The following LEF1 variants were observed in gnomAD, a reference collection of about 807,000 sequenced individuals.
LEF1 encodes lymphoid enhancer-binding factor 1.
In LEF1, 14 loss-of-function variants were observed where a neutral mutation model predicts 51.2. The ratio of observed to expected loss-of-function variants is 0.27; its 90% CI spans 0.18 to 0.43. LEF1 has a LOEUF of 0.43. Among genes scored for constraint, LEF1 ranks in the 20% least tolerant of loss-of-function variants. LEF1 has a pLI of 1.00. For missense variants in LEF1, 386 were observed against 512.0 expected (o/e 0.75, Z 2.37); for synonymous variants, 185 against 183.2 (o/e 1.01, Z -0.08).
At chr4:108,060,527 C>A (rs1737609806) in intron 11 of LEF1, among the ~76,000 whole-genome samples, 1 of 152,078 alleles carries the variant, frequency 6.6e-6, no homozygotes, top group African/African-American at 2.4e-5. Context: ...CATTCCTGGG[C>A]TCTGCTCTTT....
chr4:108,164,536 T>A (rs1745264007), intron 2 of LEF1, among the ~76,000 whole-genome samples: 1 of 152,204 alleles, frequency 6.6e-6, no homozygotes, highest in Non-Finnish European at 1.5e-5. Flanking sequence ...ATGTATGTAA[T>A]TTTAAAGTTT....
intron 3 of LEF1, among the ~76,000 whole-genome samples, chr4:108,161,974 A>G (rs1745085979): frequency 6.6e-6 from 1 of 152,196 alleles, no homozygotes; most frequent in South Asian, 2.1e-4. Context: ...AAACCTGCCC[A>G]AATATTAAAG....
chr4:108,103,569 A>G (rs180675140), intron 3 of LEF1, among the ~76,000 whole-genome samples: 70 of 152,328 alleles, frequency 4.6e-4, no homozygotes, highest in Non-Finnish European at 7.8e-4. Context: ...CTTGACCATA[A>G]TTACAACTGA....
At chr4:108,113,892 T>C (rs1051937120) in intron 3 of LEF1, among the ~76,000 whole-genome samples, 2 of 152,206 alleles carry the variant, frequency 1.3e-5, no homozygotes, top group Admixed American at 1.3e-4. Context: ...TTTGTTCTGC[T>C]TTCAGCTGTA....
chr4:108,157,985 TGTCCA>T (rs1361588966), intron 3 of LEF1, among the ~76,000 whole-genome samples: 1 of 152,208 alleles, frequency 6.6e-6, no homozygotes, highest in Non-Finnish European at 1.5e-5. Flanking sequence ...TCCTGCTCCC[TGTCCA>T]GTCCTCTGCT....
intron 3 of LEF1, among the ~76,000 whole-genome samples, chr4:108,144,865 CAAAAAA>C (rs11394687): frequency 1.9e-4 from 8 of 41,914 alleles, no homozygotes; most frequent in Non-Finnish European, 2.4e-4. Context: ...CCCAACCAGC[CAAAAAA>C]AAAAAAAAAA....
intron 3 of LEF1, among the ~76,000 whole-genome samples, chr4:108,121,526 C>T (rs912001004): frequency 1.3e-5 from 2 of 152,206 alleles, no homozygotes; most frequent in Admixed American, 6.5e-5. Flanking sequence ...GCCAATTACA[C>T]CTCAGTATTT....
chr4:108,159,312 T>C (rs1445022183), intron 3 of LEF1, among the ~76,000 whole-genome samples: 2 of 152,226 alleles, frequency 1.3e-5, no homozygotes, highest in Non-Finnish European at 2.9e-5. Context: ...GACATCTATA[T>C]ATACATTTGA....
chr4:108,104,983 C>T (rs1040462385), intron 3 of LEF1, among the ~76,000 whole-genome samples: 2 of 152,086 alleles, frequency 1.3e-5, no homozygotes, highest in Non-Finnish European at 2.9e-5. Flanking sequence ...AGGCATGTGA[C>T]ACGGGAGCTG....
At chr4:108,052,938 A>G (rs1737097688) in intron 11 of LEF1, among the ~76,000 whole-genome samples, 2 of 152,220 alleles carry the variant, frequency 1.3e-5, no homozygotes, top group African/African-American at 4.8e-5. Context: ...AGATAAGGAC[A>G]CTGAGGCTAC....
chr4:108,053,433 C>A (rs1196474528), intron 11 of LEF1, among the ~76,000 whole-genome samples: 14 of 152,170 alleles, frequency 9.2e-5, no homozygotes, highest in Non-Finnish European at 2.9e-5. Context: ...CCACAAAGCT[C>A]TAAAGCAAAA....
At position 108,048,639 on chromosome 4, in the gene LEF1, C is replaced by T; in HGVS notation, c.*119G>A. ...ATTGATGTCAGTGTTCCTTTGGGGT[C>T]GACTGGGCAGGCCGTGGAGACAGTC... On this transcript the variant is annotated 3_prime_UTR_variant, in exon 12 of 12. Coordinates refer to ENST00000265165, the MANE Select transcript of LEF1 (RefSeq NM_016269.5). 9 of 1,456,204 alleles carry T rather than the reference C, an allele frequency of 6.2e-6. No individual in the cohort carries two copies. Among genetic ancestry groups the T allele is most frequent in the Non-Finnish European group, 8.4e-6 (9 of 1,069,492 alleles). The allele number at this position is 1,456,204 out of a possible 1,614,324, so 90.2% of individuals were successfully genotyped here.
At chr4:108,082,363 G>A (rs755784822) in intron 5 of LEF1, among the ~76,000 whole-genome samples, 9 of 152,110 alleles carry the variant, frequency 5.9e-5, no homozygotes, top group Non-Finnish European at 2.9e-5. Flanking sequence ...GTTTGAAAAT[G>A]TATGCATAAT....
At chr4:108,118,093 T>C (rs964298683) in intron 3 of LEF1, among the ~76,000 whole-genome samples, 2 of 152,154 alleles carry the variant, frequency 1.3e-5, no homozygotes, top group African/African-American at 4.8e-5. Flanking sequence ...ACTAAATGAG[T>C]TGCATAAGAT....
At chr4:108,104,884 A>G (rs1335805466) in intron 3 of LEF1, among the ~76,000 whole-genome samples, 1 of 152,142 alleles carries the variant, frequency 6.6e-6, no homozygotes, top group Non-Finnish European at 1.5e-5. Flanking sequence ...GGTATCCTCC[A>G]AACTGCCAGA....
rs1217162090 is a variant in LEF1 at position 108,135,532 on chromosome 4, T to C, written c.414+28036A>G. 4.0e-5 allele frequency among the ~76,000 whole-genome samples: 6 copies of C among 151,060 alleles called. No individual in the cohort carries two copies. In the East Asian group the frequency reaches 9.8e-4, roughly 25 times the overall value. On this transcript the variant is annotated intron_variant, in intron 3 of 11. Coordinates refer to ENST00000265165, the MANE Select transcript of LEF1 (RefSeq NM_016269.5). ...CAGTGGAGGCTCAGGATGGCGAGAG[T>C]GAAGGTGGAGGGAGTTATTCCCACT... is the stretch of plus-strand genomic sequence containing the variant.
intron 11 of LEF1, among the ~76,000 whole-genome samples, chr4:108,062,418 G>A (rs1737756619): frequency 6.6e-6 from 1 of 152,170 alleles, no homozygotes; most frequent in African/African-American, 2.4e-5. Flanking sequence ...TGCCATGTGG[G>A]GAACTGCTAA....
At position 108,167,916 on chromosome 4, in the gene LEF1, G is replaced by C. The variant is rs1006716037; in HGVS notation, c.-149C>G. The C allele has an allele frequency of 6.1e-6, 3 of 489,696 alleles. No homozygotes were observed. Among genetic ancestry groups the C allele is most frequent in the Non-Finnish European group, 9.6e-6 (3 of 312,376 alleles). The allele number at this position is 489,696 out of a possible 1,614,324, so 30.3% of individuals were successfully genotyped here. A position where few individuals can be genotyped will look rare whatever the true frequency, so the allele number is the denominator to read the frequency against. ...GGGCGGAAGCGGGGCGGGCGAGCGC[G>C]GGGCCGCCGGCCGGCAGCCGGAGCA... is the stretch of plus-strand genomic sequence containing the variant. On this transcript the variant is annotated 5_prime_UTR_variant, in exon 1 of 12. Coordinates refer to ENST00000265165, the MANE Select transcript of LEF1 (RefSeq NM_016269.5). The surrounding 1 kb of genome is among the most constrained non-coding windows in gnomAD (Gnocchi z 5.7).
intron 4 of LEF1, among the ~76,000 whole-genome samples, chr4:108,086,688 G>GT (rs1435357610): frequency 3.9e-5 from 6 of 152,200 alleles, no homozygotes; most frequent in African/African-American, 1.4e-4. Flanking sequence ...GTTGTCATCT[G>GT]TAAGGATAAA....
Sources: allele counts gnomAD v4.1 joint callset (sites outside exome capture counted in the v4.1 genomes callset), GRCh38; gene constraint gnomAD v4.1.1; non-coding constraint Gnocchi (gnomAD v3.1); transcripts MANE v1.5; gene names NCBI Gene and HGNC (gene_info 2026-07-23, HGNC 2026-07-21).